Variants in ATAD2B observed in about 807,000 individuals in gnomAD.
ATAD2B encodes ATPase family AAA domain containing 2B, also known as ATPase family AAA domain-containing protein 2B.
In ATAD2B, 40 loss-of-function variants were observed where a neutral mutation model predicts 167.6. That is an observed-to-expected ratio of 0.24 (90% CI 0.19 to 0.31). The LOEUF (loss-of-function observed/expected upper bound fraction) is 0.31, where lower values mean the gene tolerates loss of function less well. ATAD2B is among the 10% of genes least tolerant of loss of function. The pLI is 1.00. For synonymous variants in ATAD2B, 579 were observed against 596.5 expected (o/e 0.97, Z 0.43); for missense variants, 1,242 against 1,757.2 (o/e 0.71, Z 5.24).
rs780860245 is a variant in ATAD2B at position 23,823,599 on chromosome 2, G to T, written c.1820-30C>A. The T allele has an allele frequency of 3.2e-6, 5 of 1,582,894 alleles. No homozygotes were observed. The East Asian group carries it at 9.0e-5, about 28-fold the overall frequency. ...TACACAAAAGGAGAAGGATAGCAAAGGTACATTCATTATTCCATGCACCAA... is the reference window on the plus strand; with the variant it reads ...TACACAAAAGGAGAAGGATAGCAAATGTACATTCATTATTCCATGCACCAA... On this transcript the variant is annotated intron_variant, in intron 15 of 27. Coordinates refer to ENST00000238789, the MANE Select transcript of ATAD2B (RefSeq NM_017552.4).
chr2:23,706,084 C>G, the ATAD2B span, among the ~76,000 whole-genome samples: 1 of 152,228 alleles, frequency 6.6e-6, no homozygotes, highest in African/African-American at 2.4e-5. Context: ...TTATTATTCT[C>G]TCTCGTCATT....
In ATAD2B at chr2:23,751,965, G is replaced by A; in HGVS notation, c.*81C>T. 9.3e-7 allele frequency: 1 copy of A among 1,075,136 alleles called. No homozygotes were observed. The highest frequency in any genetic ancestry group is 1.4e-6 in the Non-Finnish European group (1 of 723,064). 66.6% of individuals were successfully genotyped at this position (1,075,136 alleles called of 1,614,324 possible). A position where few individuals can be genotyped will look rare whatever the true frequency, so the allele number is the denominator to read the frequency against. ...TACACCAAGGCTCTGCACATAATTG[G>A]TGCAATTTGAAATTGAATGGCTCAG... On this transcript the variant is annotated 3_prime_UTR_variant, in exon 28 of 28. Transcript: ENST00000238789.
At position 23,823,436 on chromosome 2, in the gene ATAD2B, T is replaced by C. The variant is rs1687775518; in HGVS notation, c.1953A>G (p.Gln651=). The C allele has an allele frequency of 1.9e-6, 3 of 1,613,998 alleles. No individual in the cohort carries two copies. Among genetic ancestry groups the C allele is most frequent in the Middle Eastern group, 1.6e-4 (1 of 6,062 alleles). Residue 651 remains glutamine, a synonymous_variant, in exon 16 of 28, where the codon CAA becomes CAG. Coordinates refer to ENST00000238789, the MANE Select transcript of ATAD2B (RefSeq NM_017552.4). ...LDVSSIVLSA[Q]DFYHAMQNIV... ...TATTCTGCATTGCATGGTAAAAATC[T>C]TGGGCACTAAGCACTATTGAGGAAA...
At chr2:23,881,612 C>A (rs748262283) in intron 6 of ATAD2B, among the ~76,000 whole-genome samples, 17 of 152,162 alleles carry the variant, frequency 1.1e-4, no homozygotes, top group Middle Eastern at 3.4e-3. Context: ...CAACCCCCCT[C>A]GGCCTCCCAA....
chr2:23,880,606 C>A (rs571040583), intron 7 of ATAD2B, 33 bp downstream of exon 7: 3 of 1,256,556 alleles, frequency 2.4e-6, no homozygotes, highest in South Asian at 2.7e-5. Context: ...TACTCAACTA[C>A]CAGAAAGAAA....
intron 8 of ATAD2B, among the ~76,000 whole-genome samples, chr2:23,870,266 G>A (rs1695738249): frequency 6.9e-6 from 1 of 145,804 alleles, no homozygotes; most frequent in Non-Finnish European, 1.5e-5. Flanking sequence ...AATAATTCAG[G>A]AAGGGAGTCA....
chr2:23,744,603 A>C (rs1347836304), downstream of ATAD2B, among the ~76,000 whole-genome samples: 1 of 152,162 alleles, frequency 6.6e-6, no homozygotes, highest in Non-Finnish European at 1.5e-5. Context: ...TGGTGCTATC[A>C]CTGTGGCCCA....
At chr2:23,815,817 T>C (rs1014742075) in intron 17 of ATAD2B, among the ~76,000 whole-genome samples, 2 of 152,228 alleles carry the variant, frequency 1.3e-5, no homozygotes, top group Non-Finnish European at 1.5e-5. Flanking sequence ...ACTCCACTCC[T>C]AGGGATTCCC....
At chr2:23,802,688 T>C (rs941009336) in intron 18 of ATAD2B, among the ~76,000 whole-genome samples, 1 of 150,122 alleles carries the variant, frequency 6.7e-6, no homozygotes, top group Non-Finnish European at 1.5e-5. Context: ...CAGATATCCA[T>C]GTGAGCAAAC....
intron 8 of ATAD2B, among the ~76,000 whole-genome samples, chr2:23,870,764 A>AGGGCTTTAACTCACTGCTTTAC (rs1695848580): frequency 6.6e-6 from 1 of 152,078 alleles, no homozygotes; most frequent in Admixed American, 6.6e-5. Context: ...TACAGAGGAC[A>AGGGCTTTAACTCACTGCTTTAC]AGGGCTTTAA....
intron 1 of ATAD2B, among the ~76,000 whole-genome samples, chr2:23,921,807 C>A (rs1249906292): frequency 6.6e-6 from 1 of 152,082 alleles, no homozygotes; most frequent in Non-Finnish European, 1.5e-5. Flanking sequence ...CTATATTGTA[C>A]TCCATGTAAA....
At chr2:23,797,535 T>C (rs1682811923) in intron 19 of ATAD2B, among the ~76,000 whole-genome samples, 2 of 152,126 alleles carry the variant, frequency 1.3e-5, no homozygotes, top group Admixed American at 6.5e-5. Context: ...GATAGTGATA[T>C]AGCCACAATT....
chr2:23,892,249 C>G (rs955471660), intron 2 of ATAD2B, among the ~76,000 whole-genome samples: 4 of 152,060 alleles, frequency 2.6e-5, no homozygotes, highest in Non-Finnish European at 5.9e-5. Flanking sequence ...TTGCAAGCCC[C>G]GCCTCCCTGG....
chr2:23,799,219 G>A lies in ATAD2B; in HGVS notation c.2455-896C>T, dbSNP rs1296945064. Among the ~76,000 whole-genome samples the A allele has an allele frequency of 1.4e-4, 22 of 152,070 alleles. No individual in the cohort carries two copies. The South Asian group carries it at 1.7e-3, about 11-fold the overall frequency. The stretch of plus-strand genomic sequence containing the variant: ...TGAGAATTCTATTCCTAAAATGCTC[G>A]ACTTATTTTCCCTTATTTTTAACAC... On this transcript the variant is annotated intron_variant, in intron 18 of 27. Transcript: ENST00000238789.
At chr2:23,829,038 G>T in intron 14 of ATAD2B, 99 bp from the exon 15 acceptor site, 1 of 718,032 alleles carries the variant, frequency 1.4e-6, no homozygotes, top group South Asian at 1.8e-5. Flanking sequence ...AACAAATTTT[G>T]ACTAACAATC....
the ATAD2B span, chr2:23,684,647 G>A: frequency 1.1e-6 from 1 of 940,290 alleles, no homozygotes; most frequent in Non-Finnish European, 1.5e-6. The surrounding 1 kb of genome is among the most constrained non-coding windows in gnomAD (Gnocchi z 4.4). Flanking sequence ...CCCTGTCACA[G>A]AGCCAGTAGC....
At chr2:23,861,735 TCTTC>T (rs1694405115) in intron 12 of ATAD2B, among the ~76,000 whole-genome samples, 2 of 152,162 alleles carry the variant, frequency 1.3e-5, no homozygotes, top group Non-Finnish European at 2.9e-5. Flanking sequence ...CCAAGCCAAT[TCTTC>T]CTTCATCTAT....
intron 13 of ATAD2B, among the ~76,000 whole-genome samples, chr2:23,843,335 T>A (rs1273681692): frequency 6.6e-6 from 1 of 151,998 alleles, no homozygotes; most frequent in African/African-American, 2.4e-5. Flanking sequence ...AAATGACAAA[T>A]TTGTAGACAC....
intron 13 of ATAD2B, among the ~76,000 whole-genome samples, chr2:23,847,834 A>G (rs548831746): frequency 0.011 from 1,635 of 151,422 alleles, 16 homozygotes; most frequent in Middle Eastern, 0.038. Flanking sequence ...AAAAAAAAAA[A>G]ATACAAAAAT....
Sources: allele counts gnomAD v4.1 joint callset (sites outside exome capture counted in the v4.1 genomes callset), GRCh38; gene constraint gnomAD v4.1.1; non-coding constraint Gnocchi (gnomAD v3.1); transcripts MANE v1.5; gene names NCBI Gene and HGNC (gene_info 2026-07-23, HGNC 2026-07-21).